Variants in ZFHX3 observed in about 807,000 individuals in gnomAD.
ZFHX3 encodes zinc finger homeobox protein 3.
In ZFHX3, 42 loss-of-function variants were observed where a neutral mutation model predicts 279.1. The observed-to-expected ratio is 0.15, with a 90% CI of 0.12 to 0.19. The LOEUF is 0.19. Ranked by LOEUF, ZFHX3 falls within the 10% of genes least tolerant of loss-of-function variation. The pLI is 1.00. For synonymous variants in ZFHX3, 2,293 were observed against 1,957.8 expected (o/e 1.17, Z -4.52); for missense variants, 4,981 against 4,754.0 (o/e 1.05, Z -1.40).
At chr16:73,268,638 C>T (rs1440118677) in intron 4 of ZFHX3, among the ~76,000 whole-genome samples, 3 of 152,164 alleles carry the variant, frequency 2.0e-5, no homozygotes, top group Non-Finnish European at 4.4e-5. Flanking sequence ...ATAAGCCTGT[C>T]GCAACTCCGC....
rs1427356483 is a variant in ZFHX3 at position 72,900,853 on chromosome 16, A to G, written c.3217-10891T>C. The stretch of plus-strand genomic sequence containing the variant: ...TGCTCTGGCCAGGACAGCAATGGCC[A>G]CGGAAAAAGGACCCAAGTCGGAATA... On this transcript the variant is annotated intron_variant, in intron 3 of 9. Coordinates refer to ENST00000268489, the MANE Select transcript of ZFHX3 (RefSeq NM_006885.4). Among the ~76,000 whole-genome samples the G allele has an allele frequency of 2.0e-5, 3 of 152,238 alleles. No homozygotes were observed. The East Asian group carries it at 5.8e-4, about 29-fold the overall frequency.
rs539434726 is a variant in ZFHX3, at chr16:72,977,231, G to A, written c.-49-17037C>T. Among the ~76,000 whole-genome samples the A allele has an allele frequency of 3.3e-5, 5 of 152,172 alleles. No individual in the cohort carries two copies. In the East Asian group the frequency reaches 9.7e-4, roughly 29 times the overall value. ...TTTGGCCTTGGTTCCTCTTTAAGCT[G>A]GGACCAGCGACTTTATAAACTCCAC... On this transcript the variant is annotated intron_variant, in intron 1 of 9. Coordinates refer to ENST00000268489, the MANE Select transcript of ZFHX3 (RefSeq NM_006885.4).
chr16:72,991,274 T>G (rs959953982), intron 1 of ZFHX3, among the ~76,000 whole-genome samples: 2 of 152,210 alleles, frequency 1.3e-5, no homozygotes, highest in Non-Finnish European at 2.9e-5. Context: ...TAAATTAAAT[T>G]TTATCATAGG....
At position 72,797,826 on chromosome 16, in the gene ZFHX3, AAC is replaced by A; in HGVS notation, c.4854_4855del (p.Leu1619ThrfsTer42). On this transcript the variant is annotated frameshift_variant, in exon 9 of 10. Transcript: ENST00000268489. LOFTEE classifies it high-confidence loss of function. ...GGCTGCCCGGGCCTTGGTTTGATGT[AAC>A]ACAGACCTCATATGGATCTCCAGAG... 6.2e-7 allele frequency: 1 copy of A among 1,614,112 alleles called. No individual in the cohort carries two copies. The highest frequency in any genetic ancestry group is 8.5e-7 in the Non-Finnish European group (1 of 1,180,028).
chr16:72,916,329 T>C (rs2039442426), intron 3 of ZFHX3, among the ~76,000 whole-genome samples: 1 of 152,246 alleles, frequency 6.6e-6, no homozygotes, highest in Admixed American at 6.5e-5. Flanking sequence ...GGGGATCTAA[T>C]TATACTATGG....
chr16:73,445,276 A>G (rs891245844), intron 3 of ZFHX3, among the ~76,000 whole-genome samples: 4 of 64,200 alleles, frequency 6.2e-5, no homozygotes, highest in South Asian at 6.3e-4. Context: ...GTATGTATAT[A>G]TGTGTGTATA....
intron 2 of ZFHX3, among the ~76,000 whole-genome samples, chr16:73,640,678 G>C (rs1448888568): frequency 6.6e-6 from 1 of 152,024 alleles, no homozygotes; most frequent in African/African-American, 2.4e-5. Context: ...GAGGAGAAAA[G>C]ATAAGAAAAT....
intron 6 of ZFHX3, 30 bp downstream of exon 6, chr16:72,811,875 C>A (rs1177398655): frequency 3.1e-6 from 5 of 1,602,056 alleles, no homozygotes; most frequent in Non-Finnish European, 4.3e-6. Flanking sequence ...CACCTCACCT[C>A]CCCACCAGCA....
intron 5 of ZFHX3, among the ~76,000 whole-genome samples, chr16:73,188,701 G>C (rs573746300): frequency 2.6e-5 from 4 of 152,102 alleles, no homozygotes; most frequent in Non-Finnish European, 4.4e-5. Context: ...TGGAAAGGTG[G>C]CTTTGTTGAC....
intron 3 of ZFHX3, among the ~76,000 whole-genome samples, chr16:72,908,636 A>G (rs1409953054): frequency 6.6e-6 from 1 of 152,220 alleles, no homozygotes; most frequent in Non-Finnish European, 1.5e-5. Context: ...CGCTGGTGCC[A>G]GCTGCATCCC....
At chr16:72,925,617 C>T (rs541738306) in intron 3 of ZFHX3, among the ~76,000 whole-genome samples, 1 of 152,348 alleles carries the variant, frequency 6.6e-6, no homozygotes, top group African/African-American at 2.4e-5. Context: ...CGTGTCTTTC[C>T]CTTATCTTGA....
rs749711749 is a variant in ZFHX3, at chr16:73,808,707, ATTAGT to A, written c.-1608+82939_-1608+82943del. Among the ~76,000 whole-genome samples the A allele has an allele frequency of 1.2e-3, 177 of 152,322 alleles. 1 individual carries two copies. The highest frequency in any genetic ancestry group is 1.6e-3 in the Non-Finnish European group (110 of 68,028). On this transcript the variant is annotated intron_variant, in intron 1 of 17. Coordinates refer to the ZFHX3 transcript ENST00000641206. ...ATGTGATGTACAACCATTTAAGCAT[ATTAGT>A]TTAGAGGGGAGGGGAAAGAGGCAGA...
chr16:73,384,654 T>G (rs2016868681), intron 3 of ZFHX3, among the ~76,000 whole-genome samples: 1 of 152,204 alleles, frequency 6.6e-6, no homozygotes, highest in Non-Finnish European at 1.5e-5. Flanking sequence ...TAGGCCTCAC[T>G]TACTGATAGG....
chr16:73,810,299 G>C (rs1340029947), intron 1 of ZFHX3, among the ~76,000 whole-genome samples: 2 of 152,004 alleles, frequency 1.3e-5, no homozygotes, highest in Non-Finnish European at 2.9e-5. Context: ...ATTAATCTTG[G>C]GAGTATTTGG....
intron 4 of ZFHX3, among the ~76,000 whole-genome samples, chr16:72,877,459 C>T (rs1226130815): frequency 1.3e-5 from 2 of 152,146 alleles, no homozygotes; most frequent in African/African-American, 4.8e-5. Context: ...AGATGGTCTG[C>T]GGAAAGTGAC....
At chr16:73,654,870 T>G (rs1409225811) in intron 2 of ZFHX3, among the ~76,000 whole-genome samples, 1 of 144,648 alleles carries the variant, frequency 6.9e-6, no homozygotes, top group African/African-American at 2.5e-5. Flanking sequence ...TTTTTTTTTT[T>G]TTTTTTTTGA....
chr16:72,864,042 G>A (rs967813665), intron 4 of ZFHX3, among the ~76,000 whole-genome samples: 17 of 152,078 alleles, frequency 1.1e-4, no homozygotes, highest in Non-Finnish European at 1.8e-4. Flanking sequence ...GCGTGAACCC[G>A]GGAGGCAGAG....
At chr16:73,140,382 C>T (rs1384672117) in intron 6 of ZFHX3, among the ~76,000 whole-genome samples, 3 of 151,998 alleles carry the variant, frequency 2.0e-5, no homozygotes, top group Non-Finnish European at 4.4e-5. Flanking sequence ...TCAAAGTGCT[C>T]ATTAAGAGGA....
At chr16:73,080,715 C>T (rs754527876) in intron 8 of ZFHX3, among the ~76,000 whole-genome samples, 1 of 151,980 alleles carries the variant, frequency 6.6e-6, no homozygotes, top group Admixed American at 6.6e-5. Flanking sequence ...CTGGGATTAT[C>T]GGCATACACC....
Sources: gnomAD v4.1 joint callset for allele counts (sites outside exome capture counted in the v4.1 genomes callset) on GRCh38, gnomAD v4.1.1 for gene constraint, MANE v1.5 for transcripts, NCBI Gene and HGNC (gene_info 2026-07-23, HGNC 2026-07-21) for gene names.